The following LINGO2 variants were observed in gnomAD, a reference collection of about 807,000 sequenced individuals.
LINGO2 encodes leucine-rich repeat and immunoglobulin-like domain-containing nogo receptor-interacting protein 2.
LINGO2 carries 14 observed loss-of-function variants against 30.6 expected under a neutral mutation model. The ratio of observed to expected loss-of-function variants is 0.46; its 90% CI spans 0.30 to 0.72. The LOEUF is 0.72. LINGO2 is among the 30% of genes least tolerant of loss of function. The pLI is 0.07. For missense variants in LINGO2, 729 were observed against 751.7 expected, an observed-to-expected ratio of 0.97 and a Z score of 0.35; for synonymous variants, 317 against 288.5, an observed-to-expected ratio of 1.10 and a Z score of -1.00.
chr9:28,558,169 CA>C (rs11421322), intron 1 of LINGO2, among the ~76,000 whole-genome samples: 73 of 139,428 alleles, frequency 5.2e-4, no homozygotes, highest in East Asian at 2.7e-3. Flanking sequence ...AGAATAAAAC[CA>C]AAAAAAAAAA....
intron 1 of LINGO2, among the ~76,000 whole-genome samples, chr9:28,659,848 CT>C (rs1006085233): frequency 4.6e-5 from 7 of 151,972 alleles, no homozygotes; most frequent in African/African-American, 1.5e-4. Context: ...CAATCATATA[CT>C]TAAAAAAATG....
intron 2 of LINGO2, among the ~76,000 whole-genome samples, chr9:28,440,664 A>T (rs10968603): frequency 0.3 from 45,176 of 152,148 alleles, 7,951 homozygotes; most frequent in Middle Eastern, 0.39. Context: ...AAAGGAATAT[A>T]AATATCTCAG....
chr9:28,894,652 T>G, the LINGO2 span, among the ~76,000 whole-genome samples: 1 of 151,862 alleles, frequency 6.6e-6, no homozygotes, highest in African/African-American at 2.4e-5. Context: ...ATGTGTCAAC[T>G]TTTTACATTT....
At chr9:28,625,400 C>T (rs1041388953) in intron 1 of LINGO2, among the ~76,000 whole-genome samples, 2 of 152,120 alleles carry the variant, frequency 1.3e-5, no homozygotes, top group African/African-American at 4.8e-5. Context: ...GTCTTTGCTA[C>T]ACTCTTCAAT....
chr9:28,629,440 A>T (rs62547111), intron 1 of LINGO2, among the ~76,000 whole-genome samples: 12,091 of 152,118 alleles, frequency 0.079, 677 homozygotes, highest in Admixed American at 0.2. Context: ...ACTTAATGTT[A>T]GCATATTTAA....
rs1285783482 is a variant in LINGO2, at chr9:28,506,709, C to A, written c.-364-30684G>T. 4.0e-5 allele frequency among the ~76,000 whole-genome samples: 6 copies of A among 151,194 alleles called. No homozygotes were observed. The South Asian group carries it at 1.3e-3, about 31-fold the overall frequency. On this transcript the variant is annotated intron_variant, in intron 1 of 5. Coordinates refer to ENST00000379992, the Ensembl canonical transcript of LINGO2. ...AACAACTATTCACTGATATATATCA[C>A]ACAGAAAATGTCTTTGCTCACATTA...
intron 5 of LINGO2, among the ~76,000 whole-genome samples, chr9:27,965,489 T>C (rs1820058315): frequency 6.6e-6 from 1 of 151,960 alleles, no homozygotes; most frequent in Admixed American, 6.6e-5. Flanking sequence ...TCTTTTTCCC[T>C]GATTCTCAGT....
chr9:27,984,002 C>T (rs1000448669), intron 5 of LINGO2, among the ~76,000 whole-genome samples: 10 of 151,358 alleles, frequency 6.6e-5, no homozygotes, highest in South Asian at 2.1e-4. Flanking sequence ...GAGTAGAGGA[C>T]GAAAAGAAGA....
chr9:29,028,880 C>G, the LINGO2 span, among the ~76,000 whole-genome samples: 2 of 152,108 alleles, frequency 1.3e-5, no homozygotes, highest in African/African-American at 4.8e-5. Context: ...GTTCAAAGCT[C>G]AAGCACTTCT....
At chr9:28,352,061 A>C (rs1292630366) in intron 3 of LINGO2, among the ~76,000 whole-genome samples, 1 of 149,804 alleles carries the variant, frequency 6.7e-6, no homozygotes, top group Non-Finnish European at 1.5e-5. Context: ...ATGGGCAAAA[A>C]CTGGAAGCAT....
the LINGO2 span, among the ~76,000 whole-genome samples, chr9:29,082,467 C>T: frequency 1.3e-5 from 2 of 152,028 alleles, no homozygotes; most frequent in Admixed American, 6.6e-5. Context: ...GACCAAAAAC[C>T]ATAAGAATTC....
At chr9:29,001,040 C>A in the LINGO2 span, among the ~76,000 whole-genome samples, 1 of 151,602 alleles carries the variant, frequency 6.6e-6, no homozygotes, top group East Asian at 1.9e-4. Flanking sequence ...TTCATGCATA[C>A]GACAAAAGAG....
At chr9:28,486,832 T>A (rs993946264) in intron 1 of LINGO2, among the ~76,000 whole-genome samples, 1 of 152,144 alleles carries the variant, frequency 6.6e-6, no homozygotes, top group Non-Finnish European at 1.5e-5. Flanking sequence ...TCACAATCTA[T>A]GACTAGAGAT....
chr9:28,647,926 T>A (rs1367346531), intron 1 of LINGO2, among the ~76,000 whole-genome samples: 2 of 150,760 alleles, frequency 1.3e-5, no homozygotes, highest in South Asian at 4.2e-4. Context: ...CTTACATAGC[T>A]TGTGGTTAAT....
intron 4 of LINGO2, among the ~76,000 whole-genome samples, chr9:28,269,088 G>C (rs10757724): frequency 1 from 151,491 of 152,208 alleles, 75,390 homozygotes; most frequent in Middle Eastern, 1. Context: ...TCAAGTTCCA[G>C]TTCAGAACTA....
At chr9:28,492,926 C>A (rs890144744) in intron 1 of LINGO2, among the ~76,000 whole-genome samples, 1 of 152,086 alleles carries the variant, frequency 6.6e-6, no homozygotes, top group Non-Finnish European at 1.5e-5. Flanking sequence ...TTGCAGCTCA[C>A]CAGATTTCAA....
chr9:28,275,683 A>T (rs1389650360), intron 4 of LINGO2, among the ~76,000 whole-genome samples: 1 of 152,216 alleles, frequency 6.6e-6, no homozygotes, highest in Non-Finnish European at 1.5e-5. Context: ...ACTATAAAAA[A>T]CAAAGTTGAA....
At chr9:28,681,118 T>C in the LINGO2 span, among the ~76,000 whole-genome samples, 2 of 152,120 alleles carry the variant, frequency 1.3e-5, no homozygotes, top group African/African-American at 2.4e-5. Context: ...GATTTTTGTA[T>C]ATAGTGTTGG....
chr9:28,736,743 G>C, the LINGO2 span, among the ~76,000 whole-genome samples: 1 of 152,244 alleles, frequency 6.6e-6, no homozygotes, highest in African/African-American at 2.4e-5. Context: ...AGTGAGCCGA[G>C]ATCACCACTG....
Sources: allele counts gnomAD v4.1 joint callset (sites outside exome capture counted in the v4.1 genomes callset), GRCh38; gene constraint gnomAD v4.1.1; transcripts MANE v1.5; gene names NCBI Gene and HGNC (gene_info 2026-07-23, HGNC 2026-07-21).